HEMK2: variants seen among roughly 807,000 people sequenced by gnomAD.
HEMK2 encodes the protein HemK methyltransferase 2, ETF1 glutamine and histone H4 lysine.
the HEMK2 span, among the ~76,000 whole-genome samples, chr21:28,619,858 C>A: frequency 6.6e-6 from 1 of 152,156 alleles, no homozygotes; most frequent in African/African-American, 2.4e-5. Context: ...TTCCCACAAA[C>A]CATAATCTGA....
the HEMK2 span, among the ~76,000 whole-genome samples, chr21:28,611,105 C>A: frequency 2.0e-5 from 3 of 152,150 alleles, no homozygotes; most frequent in African/African-American, 7.2e-5. Context: ...TACATTCTAT[C>A]CATCAGCATA....
chr21:28,824,995 C>T, the HEMK2 span, among the ~76,000 whole-genome samples: 6 of 152,228 alleles, frequency 3.9e-5, no homozygotes, highest in Non-Finnish European at 4.4e-5. Context: ...CTGGACAGTC[C>T]CTATCAGCAG....
chr21:28,602,757 G>A, the HEMK2 span, among the ~76,000 whole-genome samples: 4 of 152,178 alleles, frequency 2.6e-5, no homozygotes, highest in African/African-American at 4.8e-5. Context: ...ACCAACCTTG[G>A]GGGCAGGAAT....
At chr21:28,879,024 C>T in the HEMK2 span, among the ~76,000 whole-genome samples, 1 of 147,668 alleles carries the variant, frequency 6.8e-6, no homozygotes, top group Non-Finnish European at 1.5e-5. Context: ...GAAATAATAT[C>T]CAGGAGTTTA....
At chr21:28,788,199 C>CGT in the HEMK2 span, among the ~76,000 whole-genome samples, 5 of 147,200 alleles carry the variant, frequency 3.4e-5, no homozygotes, top group East Asian at 3.9e-4. Context: ...TACGTATATA[C>CGT]GTATATATAC....
chr21:28,621,619 A>T, the HEMK2 span, among the ~76,000 whole-genome samples: 1 of 152,274 alleles, frequency 6.6e-6, no homozygotes, highest in African/African-American at 2.4e-5. Context: ...GTGTTGGGAT[A>T]GGCGGTGGAA....
At chr21:28,728,172 T>C in the HEMK2 span, among the ~76,000 whole-genome samples, 1 of 152,230 alleles carries the variant, frequency 6.6e-6, no homozygotes, top group Admixed American at 6.5e-5. Context: ...TTCAGTGCCC[T>C]AATAAAATGA....
chr21:28,707,170 A>C, the HEMK2 span, among the ~76,000 whole-genome samples: 5 of 152,222 alleles, frequency 3.3e-5, no homozygotes, highest in African/African-American at 1.2e-4. Context: ...GACAATAAAC[A>C]CATTAAAGGT....
the HEMK2 span, among the ~76,000 whole-genome samples, chr21:28,620,939 T>C: frequency 6.6e-6 from 1 of 152,144 alleles, no homozygotes; most frequent in Admixed American, 6.5e-5. Context: ...CCCAAAGTGC[T>C]GGGATACAGG....
chr21:28,643,543 G>A, the HEMK2 span, among the ~76,000 whole-genome samples: 3 of 152,126 alleles, frequency 2.0e-5, no homozygotes, highest in African/African-American at 7.2e-5. Flanking sequence ...ATCCAGGCAA[G>A]GTCATGCACA....
At chr21:28,585,904 G>A in the HEMK2 span, among the ~76,000 whole-genome samples, 6 of 152,092 alleles carry the variant, frequency 3.9e-5, no homozygotes, top group Non-Finnish European at 8.8e-5. Context: ...ATATTGAAAG[G>A]AAGGAAGAAA....
the HEMK2 span, among the ~76,000 whole-genome samples, chr21:28,806,044 GT>G: frequency 6.6e-6 from 1 of 152,118 alleles, no homozygotes; most frequent in African/African-American, 2.4e-5. Flanking sequence ...CATAGTGTCT[GT>G]TTTCCAAAAA....
At chr21:28,608,679 G>A in the HEMK2 span, among the ~76,000 whole-genome samples, 45 of 152,294 alleles carry the variant, frequency 3.0e-4, no homozygotes, top group Admixed American at 2.6e-3. Context: ...CATGCTCGCC[G>A]GCTGCCTGGA....
the HEMK2 span, chr21:28,875,964 AG>A: frequency 6.5e-6 from 1 of 153,848 alleles, no homozygotes; most frequent in African/African-American, 2.4e-5. Context: ...TGGAAGGGAA[AG>A]GTAATCAAGA....
the HEMK2 span, among the ~76,000 whole-genome samples, chr21:28,840,011 A>C: frequency 2.0e-5 from 3 of 152,230 alleles, no homozygotes; most frequent in African/African-American, 7.2e-5. Context: ...ACTGGCACAA[A>C]AATAGGCACA....
At chr21:28,884,621 T>C in the HEMK2 span, among the ~76,000 whole-genome samples, 2 of 152,220 alleles carry the variant, frequency 1.3e-5, no homozygotes, top group African/African-American at 4.8e-5. Context: ...TAACTTTTTT[T>C]TGGTAACAAT....
At chr21:28,850,194 A>G in the HEMK2 span, among the ~76,000 whole-genome samples, 7 of 150,522 alleles carry the variant, frequency 4.7e-5, no homozygotes, top group Middle Eastern at 3.4e-3. Context: ...GCCAGAAGAG[A>G]CAGAATACCT....
the HEMK2 span, among the ~76,000 whole-genome samples, chr21:28,761,513 T>G: frequency 1.3e-5 from 2 of 152,070 alleles, no homozygotes; most frequent in Non-Finnish European, 2.9e-5. Flanking sequence ...GACCTGAAGT[T>G]TATTCCCTTG....
At chr21:28,759,918 C>G in the HEMK2 span, among the ~76,000 whole-genome samples, 1 of 152,136 alleles carries the variant, frequency 6.6e-6, no homozygotes, top group Non-Finnish European at 1.5e-5. Context: ...TCAGCAGTGT[C>G]AAAACAGTTT....
Sources: allele counts gnomAD v4.1 joint callset (sites outside exome capture counted in the v4.1 genomes callset), GRCh38; gene constraint gnomAD v4.1.1; transcripts MANE v1.5; gene names NCBI Gene and HGNC (gene_info 2026-07-23, HGNC 2026-07-21).